NRP1: variants seen among roughly 807,000 people sequenced by gnomAD.
The protein encoded by NRP1 is neuropilin 1.
NRP1 carries 35 observed loss-of-function variants against 106.7 expected under a neutral mutation model. The observed-to-expected ratio is 0.33, with a 90% CI of 0.25 to 0.43. The LOEUF is 0.43. NRP1 is among the 20% of genes least tolerant of loss of function. The pLI, the probability that NRP1 is intolerant of heterozygous loss-of-function variation, is 1.00. For synonymous variants in NRP1, 437 were observed against 417.9 expected, an observed-to-expected ratio of 1.05 and a Z score of -0.56; for missense variants, 1,024 against 1,170.4, an observed-to-expected ratio of 0.87 and a Z score of 1.83.
At chr10:33,212,044 C>T (rs942378700) in intron 9 of NRP1, 1 of 152,156 alleles carries the variant, frequency 6.6e-6, no homozygotes, top group African/African-American at 2.4e-5. Context: ...GTTGCATGTT[C>T]GCAAATAAAT....
chr10:33,317,525 T>C (rs1847125226), intron 2 of NRP1, among the ~76,000 whole-genome samples: 1 of 152,236 alleles, frequency 6.6e-6, no homozygotes, highest in Non-Finnish European at 1.5e-5. Context: ...TCATTTTCTC[T>C]TTCTTGGAAA....
At chr10:33,205,366 C>G (rs1029405825) in intron 10 of NRP1, 1 of 152,222 alleles carries the variant, frequency 6.6e-6, no homozygotes, top group African/African-American at 2.4e-5. Context: ...AGAGATGACA[C>G]TAGAGAGTGG....
At chr10:33,317,156 G>A (rs1326241838) in intron 2 of NRP1, among the ~76,000 whole-genome samples, 1 of 152,236 alleles carries the variant, frequency 6.6e-6, no homozygotes, top group Non-Finnish European at 1.5e-5. Context: ...AGCCACATCT[G>A]TAGCCATTTG....
At chr10:33,331,968 C>T (rs1848316302) in intron 1 of NRP1, among the ~76,000 whole-genome samples, 1 of 152,160 alleles carries the variant, frequency 6.6e-6, no homozygotes, top group South Asian at 2.1e-4. Flanking sequence ...TAGATTTTAA[C>T]ACTGCATCTA....
At chr10:33,320,243 G>A (rs1438409729) in intron 2 of NRP1, among the ~76,000 whole-genome samples, 2 of 151,754 alleles carry the variant, frequency 1.3e-5, no homozygotes, top group Admixed American at 6.6e-5. Context: ...AACCCAGGAG[G>A]CTGAGGTTGC....
At chr10:33,210,250 G>A (rs1032208148) in intron 9 of NRP1, among the ~76,000 whole-genome samples, 35 of 151,084 alleles carry the variant, frequency 2.3e-4, no homozygotes, top group African/African-American at 8.0e-4. Flanking sequence ...TTATAGAACT[G>A]CAATTGCTGC....
At chr10:33,266,585 G>C (rs1331312) in intron 3 of NRP1, among the ~76,000 whole-genome samples, 78,733 of 152,024 alleles carry the variant, frequency 0.52, 21,135 homozygotes, top group African/African-American at 0.65. Flanking sequence ...GCACTTTCTC[G>C]CAAAAGGACA....
At chr10:33,295,180 A>C (rs777120380) in intron 2 of NRP1, among the ~76,000 whole-genome samples, 7 of 152,192 alleles carry the variant, frequency 4.6e-5, no homozygotes, top group Non-Finnish European at 7.3e-5. Context: ...AAGTGCGGTG[A>C]TAGGAAAGCA....
intron 13 of NRP1, among the ~76,000 whole-genome samples, chr10:33,191,020 T>A (rs979685780): frequency 4.6e-4 from 69 of 150,856 alleles, no homozygotes; most frequent in South Asian, 1.0e-3. Flanking sequence ...TGGCTGATTT[T>A]AAAAAAAAAA....
At chr10:33,186,534 A>T in intron 13 of NRP1, 46 bp from the exon 14 acceptor site, 6 of 1,558,702 alleles carry the variant, frequency 3.8e-6, no homozygotes, top group Non-Finnish European at 5.2e-6. Context: ...CAGGATTACC[A>T]CACTTTTATC....
At chr10:33,221,354 T>C (rs891787023) in intron 8 of NRP1, among the ~76,000 whole-genome samples, 1 of 152,214 alleles carries the variant, frequency 6.6e-6, no homozygotes, top group South Asian at 2.1e-4. Flanking sequence ...GCTTACAGTC[T>C]AGTGGAAAAG....
chr10:33,265,210 CCTG>C (rs554049235), intron 3 of NRP1, among the ~76,000 whole-genome samples: 38 of 152,308 alleles, frequency 2.5e-4, no homozygotes, highest in African/African-American at 8.7e-4. Flanking sequence ...CTGAATACCA[CCTG>C]CTGCTATGAT....
At chr10:33,266,689 C>G (rs535576591) in intron 3 of NRP1, among the ~76,000 whole-genome samples, 3 of 152,016 alleles carry the variant, frequency 2.0e-5, no homozygotes, top group Admixed American at 6.6e-5. Context: ...ATTGTAATCC[C>G]CAATGGTGGA....
intron 2 of NRP1, among the ~76,000 whole-genome samples, chr10:33,303,390 C>A (rs1845937306): frequency 6.6e-6 from 1 of 152,226 alleles, no homozygotes; most frequent in Admixed American, 6.5e-5. Context: ...CTTCCATTTA[C>A]TATCTCATTA....
At chr10:33,303,935 T>C (rs1845973248) in intron 2 of NRP1, among the ~76,000 whole-genome samples, 1 of 152,200 alleles carries the variant, frequency 6.6e-6, no homozygotes, top group African/African-American at 2.4e-5. Flanking sequence ...TTTCTCTGAT[T>C]AACATCAAAT....
At chr10:33,267,304 C>T (rs1842988392) in intron 3 of NRP1, among the ~76,000 whole-genome samples, 1 of 152,134 alleles carries the variant, frequency 6.6e-6, no homozygotes, top group African/African-American at 2.4e-5. Flanking sequence ...GAATACAACA[C>T]AGGAGATGAG....
chr10:33,213,300 G>A, intron 9 of NRP1, 86 bp downstream of exon 9: 1 of 1,614,032 alleles, frequency 6.2e-7, no homozygotes, highest in Non-Finnish European at 8.5e-7. Context: ...AAGGAAATAA[G>A]AAGCCCTTCC....
At chr10:33,296,054 A>G (rs1845362665) in intron 2 of NRP1, among the ~76,000 whole-genome samples, 1 of 152,108 alleles carries the variant, frequency 6.6e-6, no homozygotes, top group South Asian at 2.1e-4. Flanking sequence ...AGTTGCTTGG[A>G]CTCATTTGTT....
chr10:33,243,715 C>T (rs1184102066), intron 6 of NRP1, among the ~76,000 whole-genome samples: 2 of 152,154 alleles, frequency 1.3e-5, no homozygotes, highest in East Asian at 1.9e-4. Context: ...ATGTCATCAT[C>T]CTCAATCCTA....
Sources: allele counts gnomAD v4.1 joint callset (sites outside exome capture counted in the v4.1 genomes callset), GRCh38; gene constraint gnomAD v4.1.1; transcripts MANE v1.5; gene names NCBI Gene and HGNC (gene_info 2026-07-23, HGNC 2026-07-21).